Variants in GRIK2 observed in about 807,000 individuals in gnomAD.
GRIK2 encodes the protein glutamate receptor ionotropic, kainate 2.
Under a neutral mutation model 100.3 loss-of-function variants are expected in GRIK2, and 32 were observed. That is an observed-to-expected ratio of 0.32 (90% confidence interval 0.24 to 0.43). GRIK2 has a LOEUF of 0.43. GRIK2 is among the 20% of genes least tolerant of loss of function. The probability of loss-of-function intolerance (pLI) is 1.00; values close to 1 mark genes in which losing one functional copy is unlikely to be tolerated. For synonymous variants in GRIK2, 417 were observed against 389.4 expected (o/e 1.07, Z -0.83); for missense variants, 843 against 1,114.9 (o/e 0.76, Z 3.47).
chr6:101,907,619 T>C (rs1788320617), intron 12 of GRIK2, among the ~76,000 whole-genome samples: 1 of 151,682 alleles, frequency 6.6e-6, no homozygotes, highest in Admixed American at 6.6e-5. Context: ...GTCTTGAGCA[T>C]GCAGGACTTT....
At chr6:101,839,824 A>G (rs1409674140) in intron 10 of GRIK2, among the ~76,000 whole-genome samples, 1 of 152,174 alleles carries the variant, frequency 6.6e-6, no homozygotes, top group Non-Finnish European at 1.5e-5. Context: ...GATAAATATG[A>G]CTGGAAATGG....
At chr6:101,646,411 TAAGGTAAA>T (rs1233338983) in intron 4 of GRIK2, among the ~76,000 whole-genome samples, 2 of 151,872 alleles carry the variant, frequency 1.3e-5, no homozygotes, top group Non-Finnish European at 2.9e-5. Flanking sequence ...GGACTTCAGA[TAAGGTAAA>T]AAGTAAGCAT....
chr6:101,855,887 G>T (rs1462568367), intron 10 of GRIK2, among the ~76,000 whole-genome samples: 2 of 152,118 alleles, frequency 1.3e-5, no homozygotes, highest in Non-Finnish European at 2.9e-5. Context: ...AGAAATAAAG[G>T]CTACATGAGC....
At chr6:101,966,972 A>G (rs76901837) in intron 14 of GRIK2, among the ~76,000 whole-genome samples, 3,896 of 152,142 alleles carry the variant, frequency 0.026, 79 homozygotes, top group Middle Eastern at 0.045. Flanking sequence ...AAGTAACTCA[A>G]TGTAATATTA....
At chr6:101,714,423 C>A (rs890225786) in intron 7 of GRIK2, among the ~76,000 whole-genome samples, 1 of 151,528 alleles carries the variant, frequency 6.6e-6, no homozygotes, top group African/African-American at 2.4e-5. Context: ...TACTTTACAT[C>A]TCTTTCTCTA....
intron 14 of GRIK2, among the ~76,000 whole-genome samples, chr6:101,933,837 T>G (rs905419815): frequency 6.6e-6 from 1 of 151,980 alleles, no homozygotes; most frequent in Admixed American, 6.6e-5. Context: ...ATTTTAATTA[T>G]CTGTTAAAAG....
At chr6:101,714,137 A>G (rs1395131204) in intron 7 of GRIK2, among the ~76,000 whole-genome samples, 1 of 151,730 alleles carries the variant, frequency 6.6e-6, no homozygotes, top group African/African-American at 2.4e-5. Context: ...GAATAGAGGT[A>G]GGCTACCAGA....
chr6:101,857,436 G>A (rs922440476), intron 10 of GRIK2, among the ~76,000 whole-genome samples: 1 of 152,172 alleles, frequency 6.6e-6, no homozygotes, highest in African/African-American at 2.4e-5. Flanking sequence ...AGTCCACAGA[G>A]ATGGGAAGGA....
intron 15 of GRIK2, among the ~76,000 whole-genome samples, chr6:102,040,669 T>C (rs1029862225): frequency 6.6e-6 from 1 of 151,526 alleles, no homozygotes; most frequent in East Asian, 1.9e-4. Context: ...TTTGTAAAAA[T>C]AGAAATCAGT....
chr6:101,610,004 AC>A (rs1779602399), intron 2 of GRIK2, among the ~76,000 whole-genome samples: 1 of 151,660 alleles, frequency 6.6e-6, no homozygotes, highest in Non-Finnish European at 1.5e-5. Flanking sequence ...AAAGGGGGAA[AC>A]CAAAAGTAAT....
chr6:101,891,873 A>G (rs1021082094), intron 12 of GRIK2, among the ~76,000 whole-genome samples: 1 of 152,106 alleles, frequency 6.6e-6, no homozygotes, highest in Non-Finnish European at 1.5e-5. Context: ...TATCATCTTT[A>G]GACCAACTGC....
intron 2 of GRIK2, among the ~76,000 whole-genome samples, chr6:101,529,001 A>G (rs4839798): frequency 0.052 from 7,921 of 152,118 alleles, 282 homozygotes; most frequent in Non-Finnish European, 0.068. Flanking sequence ...TTAAAGGCAA[A>G]ATCCATGCCT....
intron 2 of GRIK2, among the ~76,000 whole-genome samples, chr6:101,419,027 A>C (rs1009601684): frequency 6.6e-6 from 1 of 152,134 alleles, no homozygotes. Context: ...AACTCTGCCA[A>C]AATAGGAAAG....
At chr6:101,729,605 T>C (rs545254383) in intron 7 of GRIK2, among the ~76,000 whole-genome samples, 1 of 152,042 alleles carries the variant, frequency 6.6e-6, no homozygotes, top group East Asian at 1.9e-4. Context: ...CTAACTGAAA[T>C]ATTACTTGTT....
At chr6:101,636,664 G>A (rs936650422) in intron 4 of GRIK2, among the ~76,000 whole-genome samples, 3 of 151,702 alleles carry the variant, frequency 2.0e-5, no homozygotes, top group Non-Finnish European at 4.4e-5. Flanking sequence ...CACAATTCAT[G>A]TTTCTGTAGA....
At chr6:101,748,955 G>A (rs951358634) in intron 7 of GRIK2, among the ~76,000 whole-genome samples, 2 of 152,126 alleles carry the variant, frequency 1.3e-5, no homozygotes, top group African/African-American at 2.4e-5. Flanking sequence ...AACAAGTGCA[G>A]TAATTTAAAT....
chr6:101,822,533 A>C (rs1318673842), intron 10 of GRIK2, among the ~76,000 whole-genome samples: 1 of 152,094 alleles, frequency 6.6e-6, no homozygotes, highest in African/African-American at 2.4e-5. Flanking sequence ...GACTGGTGCT[A>C]ATGCCTCGAT....
intron 15 of GRIK2, among the ~76,000 whole-genome samples, chr6:102,051,151 T>C (rs1171851407): frequency 6.6e-6 from 1 of 152,142 alleles, no homozygotes; most frequent in Admixed American, 6.6e-5. Flanking sequence ...TATACCTCCT[T>C]TGAGGGCTCA....
chr6:101,595,718 G>GTGTATATATATATATA (rs1212283441), intron 2 of GRIK2, among the ~76,000 whole-genome samples: 92 of 122,302 alleles, frequency 7.5e-4, no homozygotes, highest in African/African-American at 2.8e-3. Flanking sequence ...GTGTGTGTGT[G>GTGTATATATATATATA]TATATATATA....
Sources: allele counts gnomAD v4.1 joint callset (sites outside exome capture counted in the v4.1 genomes callset), GRCh38; gene constraint gnomAD v4.1.1; transcripts MANE v1.5; gene names NCBI Gene and HGNC (gene_info 2026-07-23, HGNC 2026-07-21).